The following TLL1 variants were observed in gnomAD, a reference collection of about 807,000 sequenced individuals.
The protein encoded by TLL1 is tolloid-like protein 1.
TLL1 carries 49 observed loss-of-function variants against 128.2 expected under a neutral mutation model. The observed-to-expected ratio is 0.38, with a 90% CI of 0.30 to 0.48. The LOEUF is 0.48. TLL1 is among the 20% of genes least tolerant of loss of function. The pLI, the probability that TLL1 is intolerant of heterozygous loss-of-function variation, is 0.96. For missense variants in TLL1, 1,123 were observed against 1,242.0 expected (o/e 0.90, Z 1.44); for synonymous variants, 454 against 418.8 (o/e 1.08, Z -1.03).
intron 1 of TLL1, among the ~76,000 whole-genome samples, chr4:165,921,844 T>G (rs1733057396): frequency 6.6e-6 from 1 of 152,162 alleles, no homozygotes; most frequent in Non-Finnish European, 1.5e-5. Context: ...TAAAAAAAAG[T>G]TTAAACATTG....
chr4:165,901,444 G>A (rs889555889), intron 1 of TLL1, among the ~76,000 whole-genome samples: 7 of 152,104 alleles, frequency 4.6e-5, no homozygotes, highest in Non-Finnish European at 2.9e-5. Context: ...TGTCATTTTG[G>A]TTGATGCTCA....
intron 1 of TLL1, among the ~76,000 whole-genome samples, chr4:165,882,739 C>T (rs2110814024): frequency 6.6e-6 from 1 of 152,158 alleles, no homozygotes; most frequent in Admixed American, 6.5e-5. Context: ...CTGCCTTAGC[C>T]TCCCGAGTAG....
chr4:166,030,300 T>G (rs1738705162), intron 9 of TLL1, among the ~76,000 whole-genome samples: 1 of 152,298 alleles, frequency 6.6e-6, no homozygotes, highest in Non-Finnish European at 1.5e-5. Flanking sequence ...GCCATTTGTA[T>G]ATCGTCCTTG....
At chr4:166,092,287 A>G (rs1741811394) in intron 19 of TLL1, among the ~76,000 whole-genome samples, 2 of 152,058 alleles carry the variant, frequency 1.3e-5, no homozygotes, top group South Asian at 4.1e-4. Context: ...ATTATCCAAC[A>G]TTATTTTTCA....
chr4:165,987,838 C>T (rs1736457493), intron 1 of TLL1, among the ~76,000 whole-genome samples: 1 of 151,932 alleles, frequency 6.6e-6, no homozygotes. Context: ...AACTAATTCT[C>T]TATAGTGGAA....
intron 1 of TLL1, among the ~76,000 whole-genome samples, chr4:165,923,811 G>C (rs1733152898): frequency 6.6e-6 from 1 of 152,032 alleles, no homozygotes; most frequent in Non-Finnish European, 1.5e-5. Flanking sequence ...TTTAATGTTT[G>C]TGGCAACCCT....
intron 2 of TLL1, 150 bp downstream of exon 2, chr4:165,989,641 A>G: frequency 5.1e-6 from 3 of 591,014 alleles, no homozygotes; most frequent in Non-Finnish European, 5.8e-6. Context: ...TGCAGGTTTT[A>G]TTCATAGTTT....
rs777357503 is a variant in TLL1 at position 166,039,368 on chromosome 4, A to G, written c.1188A>G (p.Leu396=). 20 of 1,613,440 alleles carry G rather than the reference A, an allele frequency of 1.2e-5. No homozygotes were observed. The highest frequency in any genetic ancestry group is 1.7e-5 in the Non-Finnish European group (20 of 1,179,584). Residue 396 remains leucine (L), a synonymous_variant, in exon 10 of 21, where the codon CTA becomes CTG. Coordinates refer to ENST00000061240, the MANE Select transcript of TLL1 (RefSeq NM_012464.5). The part of the protein sequence containing the change: ...KIVLNFTTMD[L]YKSSLCWYDY... ...TTTTAAATTTTACAACGATGGATCT[A>G]TACAAGAGTAGTTTGTGCTGGTATG...
chr4:166,004,424 A>G (rs979927471), intron 6 of TLL1, among the ~76,000 whole-genome samples: 17 of 152,116 alleles, frequency 1.1e-4, no homozygotes, highest in African/African-American at 4.1e-4. Context: ...TATTGAGCCA[A>G]TGTTAGGCGT....
At chr4:166,098,655 C>G (rs942697678) in intron 19 of TLL1, among the ~76,000 whole-genome samples, 3 of 151,982 alleles carry the variant, frequency 2.0e-5, no homozygotes, top group African/African-American at 7.2e-5. Context: ...TTTTCCCCAT[C>G]AAGTGAGATA....
intron 1 of TLL1, among the ~76,000 whole-genome samples, chr4:165,922,569 A>T (rs974156735): frequency 1.3e-5 from 2 of 152,208 alleles, no homozygotes; most frequent in African/African-American, 4.8e-5. Flanking sequence ...ATTCAGACTT[A>T]CAAGTCATTA....
chr4:166,043,486 C>A, intron 12 of TLL1, 67 bp downstream of exon 12: 1 of 1,597,514 alleles, frequency 6.3e-7, no homozygotes, highest in Non-Finnish European at 8.6e-7. Flanking sequence ...TTAAGAGAAT[C>A]CTCATTAAAT....
chr4:165,898,754 G>T (rs1246858363), intron 1 of TLL1, among the ~76,000 whole-genome samples: 1 of 152,186 alleles, frequency 6.6e-6, no homozygotes. Flanking sequence ...AAATGAGTTA[G>T]GGAGGAATCC....
At chr4:165,936,279 A>T (rs572574988) in intron 1 of TLL1, among the ~76,000 whole-genome samples, 82 of 137,528 alleles carry the variant, frequency 6.0e-4, no homozygotes, top group African/African-American at 2.2e-3. Context: ...GAGTGCAGTG[A>T]TGTGATCTCA....
intron 1 of TLL1, among the ~76,000 whole-genome samples, chr4:165,946,238 A>C (rs1579523240): frequency 6.6e-6 from 1 of 152,098 alleles, no homozygotes; most frequent in Non-Finnish European, 1.5e-5. Context: ...CTCTGCTGAC[A>C]CCTCAAGATC....
chr4:166,101,889 T>C lies in TLL1; in HGVS notation c.*1013T>C, dbSNP rs949694751. 1 of 152,482 alleles carries C rather than the reference T, an allele frequency of 6.6e-6. No individual in the cohort carries two copies. 9.4% of individuals were successfully genotyped at this position (152,482 alleles called of 1,614,324 possible). A position where few individuals can be genotyped will look rare whatever the true frequency, so the allele number is the denominator to read the frequency against. ...GGCCTTGTGAGAACTGAAAGGTCTC[T>C]TTCATTTTTCTCTTCCTGGGATTCA... On this transcript the variant is annotated 3_prime_UTR_variant, in exon 21 of 21. Transcript: ENST00000061240.
chr4:165,877,753 C>T (rs1476190613), intron 1 of TLL1, among the ~76,000 whole-genome samples: 2 of 151,386 alleles, frequency 1.3e-5, no homozygotes, highest in African/African-American at 4.9e-5. Context: ...TTTTTACTTC[C>T]TTCCCTTCTT....
intron 18 of TLL1, among the ~76,000 whole-genome samples, chr4:166,086,531 G>T (rs1741523698): frequency 6.6e-6 from 1 of 152,070 alleles, no homozygotes; most frequent in Admixed American, 6.6e-5. Context: ...AGGGCTAAAA[G>T]GCTGACTCAG....
chr4:166,025,475 A>G lies in TLL1; in HGVS notation c.1158+44A>G, dbSNP rs1738454115. 24 of 1,393,090 alleles carry G rather than the reference A, an allele frequency of 1.7e-5. No homozygotes were observed. The East Asian group carries it at 5.3e-4, about 31-fold the overall frequency. The allele number at this position is 1,393,090 out of a possible 1,614,324, so 86.3% of individuals were successfully genotyped here. On this transcript the variant is annotated intron_variant, in intron 9 of 20. Transcript: ENST00000061240. ...CCCACTATTTTATTCTTATATAAGTACAAAAGTTCATCATCCTTCAAATAT... is the reference window on the plus strand; with the variant it reads ...CCCACTATTTTATTCTTATATAAGTGCAAAAGTTCATCATCCTTCAAATAT...
Sources: allele counts gnomAD v4.1 joint callset (sites outside exome capture counted in the v4.1 genomes callset), GRCh38; gene constraint gnomAD v4.1.1; transcripts MANE v1.5; gene names NCBI Gene and HGNC (gene_info 2026-07-23, HGNC 2026-07-21).